MAF: variants seen among roughly 807,000 people sequenced by gnomAD.
MAF encodes the protein transcription factor Maf.
In MAF, 10 loss-of-function variants were observed where a neutral mutation model predicts 22.0. The ratio of observed to expected loss-of-function variants is 0.45; its 90% CI spans 0.28 to 0.77. MAF has a LOEUF of 0.77. Ranked by LOEUF, MAF falls within the 30% of genes least tolerant of loss-of-function variation. The probability of loss-of-function intolerance (pLI) is 0.12; values close to 1 mark genes in which losing one functional copy is unlikely to be tolerated. For missense variants in MAF, 544 were observed against 548.4 expected (o/e 0.99, Z 0.08); for synonymous variants, 337 against 255.8 (o/e 1.32, Z -3.03).
the MAF span, among the ~76,000 whole-genome samples, chr16:79,252,146 T>C: frequency 0.44 from 66,513 of 152,160 alleles, 17,129 homozygotes; most frequent in Non-Finnish European, 0.6. Flanking sequence ...CAAACTTCTC[T>C]TGTCAAGAGC....
At chr16:79,463,719 C>T in the MAF span, among the ~76,000 whole-genome samples, 1 of 152,074 alleles carries the variant, frequency 6.6e-6, no homozygotes, top group Non-Finnish European at 1.5e-5. Context: ...TTCTCAAAAA[C>T]TTTAAGCCAC....
chr16:79,354,496 C>T, the MAF span, among the ~76,000 whole-genome samples: 2 of 152,116 alleles, frequency 1.3e-5, no homozygotes, highest in African/African-American at 2.4e-5. Flanking sequence ...GGGGACTTCC[C>T]AGTAGAGGGG....
At chr16:79,234,187 G>GT in the MAF span, among the ~76,000 whole-genome samples, 12 of 151,678 alleles carry the variant, frequency 7.9e-5, no homozygotes, top group Admixed American at 2.6e-4. Context: ...ACACACAGTG[G>GT]TTTTTTTTGG....
chr16:79,427,705 G>A, the MAF span, among the ~76,000 whole-genome samples: 1 of 152,032 alleles, frequency 6.6e-6, no homozygotes, highest in Admixed American at 6.6e-5. Flanking sequence ...AGCCGTTCCT[G>A]ATAGCCCTGT....
At chr16:79,249,722 C>A in the MAF span, among the ~76,000 whole-genome samples, 2 of 152,116 alleles carry the variant, frequency 1.3e-5, no homozygotes, top group Non-Finnish European at 2.9e-5. Flanking sequence ...TTCAGAGATA[C>A]CCTCCCTGGC....
chr16:79,417,352 G>A, the MAF span, among the ~76,000 whole-genome samples: 1 of 152,206 alleles, frequency 6.6e-6, no homozygotes. Context: ...AAGTCAGTCT[G>A]TCTGCAACTT....
chr16:79,594,495 G>T lies in MAF; in HGVS notation c.1177C>A (p.Gln393Lys), dbSNP rs1215837270. ...SVGYATFWKP[Q>K]HRVLTSVFTK is the part of the protein sequence containing the mutation. ...AACACACTGGTAAGTACACGATGCT[G>T]GGGCTTCCAAAATGTGGCGTATCCC... is the stretch of plus-strand genomic sequence containing the variant. Residue 393 changes from glutamine (Q) to lysine (K), a missense_variant, in exon 2 of 2, where the codon CAG (glutamine) becomes AAG (lysine). Gln to Lys is a moderately conservative substitution (Grantham distance 53). Coordinates refer to ENST00000326043, the MANE Select transcript of MAF (RefSeq NM_005360.5). The T allele has an allele frequency of 6.4e-7, 1 of 1,566,874 alleles. No homozygotes were observed. Among genetic ancestry groups the T allele is most frequent in the East Asian group, 2.3e-5 (1 of 42,968 alleles).
the MAF span, among the ~76,000 whole-genome samples, chr16:79,464,208 C>G: frequency 6.6e-6 from 1 of 152,104 alleles, no homozygotes; most frequent in African/African-American, 2.4e-5. Context: ...AATAGGAGTA[C>G]AGGGCTTTTG....
chr16:79,212,147 C>G, the MAF span: 1 of 1,514,600 alleles, frequency 6.6e-7, no homozygotes, highest in Non-Finnish European at 8.8e-7. Flanking sequence ...TCCCCTCGTC[C>G]CATCCAGCTA....
chr16:79,208,271 TGTC>T, the MAF span, among the ~76,000 whole-genome samples: 5 of 152,178 alleles, frequency 3.3e-5, no homozygotes, highest in African/African-American at 1.2e-4. Context: ...CTCAGTCCTG[TGTC>T]GTCAACAACC....
the MAF span, among the ~76,000 whole-genome samples, chr16:79,214,212 T>C: frequency 6.6e-6 from 1 of 152,176 alleles, no homozygotes; most frequent in Non-Finnish European, 1.5e-5. Flanking sequence ...TATGTGTCTA[T>C]TTTTTCTGTC....
chr16:79,528,422 G>A, the MAF span, among the ~76,000 whole-genome samples: 1 of 152,122 alleles, frequency 6.6e-6, no homozygotes. Flanking sequence ...AAATCATCCT[G>A]CTCTTGGCAA....
the MAF span, among the ~76,000 whole-genome samples, chr16:79,362,219 A>AT: frequency 2.0e-5 from 3 of 152,250 alleles, no homozygotes; most frequent in Non-Finnish European, 4.4e-5. Flanking sequence ...TGCCTTGAAC[A>AT]TAGTCAGTGC....
the MAF span, among the ~76,000 whole-genome samples, chr16:79,217,986 TAAAAAAAAAAAAAAAAAAAAAAAA>T: frequency 3.8e-5 from 2 of 52,112 alleles, no homozygotes; most frequent in African/African-American, 1.5e-4. Flanking sequence ...GAAGCTTATG[TAAAAAAAAAAAAAAAAAAAAAAAA>T]AAAAAAAAAA....
chr16:79,467,144 T>G, the MAF span, among the ~76,000 whole-genome samples: 1 of 152,182 alleles, frequency 6.6e-6, no homozygotes, highest in African/African-American at 2.4e-5. Context: ...CCCCTTACAG[T>G]GGCCTCCAAG....
At chr16:79,273,483 G>A in the MAF span, among the ~76,000 whole-genome samples, 2 of 152,212 alleles carry the variant, frequency 1.3e-5, no homozygotes, top group Non-Finnish European at 2.9e-5. Context: ...CTAGAAGTCA[G>A]ATGCACAAAT....
At chr16:79,260,625 G>C in the MAF span, among the ~76,000 whole-genome samples, 1 of 152,212 alleles carries the variant, frequency 6.6e-6, no homozygotes, top group African/African-American at 2.4e-5. Context: ...TCAACAAAGA[G>C]CTCTTGAGTG....
the MAF span, chr16:79,516,058 C>A: frequency 6.7e-6 from 1 of 149,626 alleles, no homozygotes; most frequent in Non-Finnish European, 1.5e-5. Context: ...GATTCCAGCT[C>A]TCCAGCAATT....
At chr16:79,576,818 C>T in the MAF span, among the ~76,000 whole-genome samples, 1,855 of 152,206 alleles carry the variant, frequency 0.012, 41 homozygotes, top group African/African-American at 0.043. Flanking sequence ...ACATACATTA[C>T]CATATTTAGT....
Sources: gnomAD v4.1 joint callset for allele counts (sites outside exome capture counted in the v4.1 genomes callset) on GRCh38, gnomAD v4.1.1 for gene constraint, MANE v1.5 for transcripts, NCBI Gene and HGNC (gene_info 2026-07-23, HGNC 2026-07-21) for gene names.